The following CSRNP3 variants were observed in gnomAD, a reference collection of about 807,000 sequenced individuals.
The protein encoded by CSRNP3 is cysteine and serine rich nuclear protein 3.
CSRNP3 carries 12 observed loss-of-function variants against 48.0 expected under a neutral mutation model. The observed-to-expected ratio is 0.25, with a 90% CI of 0.16 to 0.41. The LOEUF (loss-of-function observed/expected upper bound fraction) is 0.41, where lower values mean the gene tolerates loss of function less well. CSRNP3 is among the 10% of genes least tolerant of loss of function. The pLI, the probability that CSRNP3 is intolerant of heterozygous loss-of-function variation, is 1.00. For missense variants in CSRNP3, 580 were observed against 724.4 expected (o/e 0.80, Z 2.29); for synonymous variants, 263 against 269.7 (o/e 0.98, Z 0.24).
intron 2 of CSRNP3, among the ~76,000 whole-genome samples, chr2:165,499,568 G>A (rs933093071): frequency 6.6e-6 from 1 of 152,092 alleles, no homozygotes; most frequent in Non-Finnish European, 1.5e-5. Flanking sequence ...TAGGGCCACA[G>A]AATTATTGTA....
chr2:165,613,180 G>A (rs571500212), intron 4 of CSRNP3, among the ~76,000 whole-genome samples: 2 of 152,122 alleles, frequency 1.3e-5, no homozygotes, highest in Middle Eastern at 3.4e-3. Context: ...TAGTGATGCC[G>A]AGCATTTTTT....
chr2:165,507,999 A>G (rs1022346065), intron 2 of CSRNP3, among the ~76,000 whole-genome samples: 7 of 152,042 alleles, frequency 4.6e-5, no homozygotes, highest in African/African-American at 1.7e-4. Flanking sequence ...CATATCCATG[A>G]TAACACTTAA....
At chr2:165,602,983 C>T (rs1164597908) in intron 4 of CSRNP3, among the ~76,000 whole-genome samples, 2 of 151,954 alleles carry the variant, frequency 1.3e-5, no homozygotes, top group Admixed American at 6.6e-5. Flanking sequence ...CAGGCTCTGC[C>T]CCACGGGGTT....
chr2:165,591,802 C>T (rs535878467), intron 3 of CSRNP3, among the ~76,000 whole-genome samples: 3 of 152,314 alleles, frequency 2.0e-5, no homozygotes, highest in South Asian at 4.1e-4. Flanking sequence ...GGAAATGCCT[C>T]TATGTCCAGG....
At chr2:165,657,017 G>C (rs914537537) in intron 4 of CSRNP3, among the ~76,000 whole-genome samples, 1 of 152,170 alleles carries the variant, frequency 6.6e-6, no homozygotes, top group Admixed American at 6.5e-5. Flanking sequence ...AAAATATCCT[G>C]AAATAAACCA....
At chr2:165,602,202 G>A (rs1685927065) in intron 4 of CSRNP3, among the ~76,000 whole-genome samples, 1 of 152,152 alleles carries the variant, frequency 6.6e-6, no homozygotes, top group Admixed American at 6.5e-5. Context: ...AGGACATCAT[G>A]ACGCTCAAAA....
chr2:165,487,704 A>C (rs1684141524), intron 1 of CSRNP3, among the ~76,000 whole-genome samples: 2 of 147,752 alleles, frequency 1.4e-5, no homozygotes, highest in South Asian at 4.3e-4. Context: ...TAAGCTTCAT[A>C]AGTGAAGGAG....
intron 3 of CSRNP3, among the ~76,000 whole-genome samples, chr2:165,566,332 A>C (rs1034838016): frequency 8.6e-5 from 13 of 152,042 alleles, no homozygotes; most frequent in Middle Eastern, 6.8e-3. Flanking sequence ...TCCATAAAAG[A>C]ACTCCTACTC....
intron 4 of CSRNP3, among the ~76,000 whole-genome samples, chr2:165,636,129 G>A (rs1489251830): frequency 6.6e-6 from 1 of 152,150 alleles, no homozygotes; most frequent in African/African-American, 2.4e-5. Context: ...TCCTATTAGT[G>A]TTAAGAGAAA....
At chr2:165,543,672 T>C (rs1274808310) in intron 3 of CSRNP3, among the ~76,000 whole-genome samples, 1 of 152,172 alleles carries the variant, frequency 6.6e-6, no homozygotes, top group Non-Finnish European at 1.5e-5. Context: ...TTAATTTTCA[T>C]GGGCACATAC....
chr2:165,623,459 G>A (rs1297087740), intron 4 of CSRNP3, among the ~76,000 whole-genome samples: 6 of 152,108 alleles, frequency 3.9e-5, no homozygotes, highest in East Asian at 1.9e-4. Flanking sequence ...TCCCCAGTCC[G>A]TGGAAAAATT....
intron 4 of CSRNP3, among the ~76,000 whole-genome samples, chr2:165,599,324 A>AGAAAGAAAGAAAGAAAGAAG (rs753221546): frequency 6.6e-6 from 1 of 151,306 alleles, no homozygotes; most frequent in African/African-American, 2.4e-5. Context: ...AAAGAAAGAA[A>AGAAAGAAAGAAAGAAAGAAG]GAAAGGAAAA....
intron 4 of CSRNP3, among the ~76,000 whole-genome samples, chr2:165,630,668 C>T (rs1404748372): frequency 1.3e-5 from 2 of 152,170 alleles, no homozygotes; most frequent in African/African-American, 4.8e-5. Context: ...ACATTTACTC[C>T]ATACATGGAT....
chr2:165,627,562 G>A (rs974966950), intron 4 of CSRNP3, among the ~76,000 whole-genome samples: 4 of 151,974 alleles, frequency 2.6e-5, no homozygotes, highest in East Asian at 3.9e-4. Flanking sequence ...ATACTCTCTC[G>A]TCATTGCATC....
chr2:165,501,745 G>A (rs1267060263), intron 2 of CSRNP3, among the ~76,000 whole-genome samples: 1 of 152,058 alleles, frequency 6.6e-6, no homozygotes, highest in Non-Finnish European at 1.5e-5. Flanking sequence ...TATAACGTGA[G>A]TCAACTGAAA....
rs1326916057 is a variant in CSRNP3, at chr2:165,574,095, TC to T, written c.-23-20944del. ...ACAGCCCAGTAAAACCCGTGCCCACTCCCCATCCTGTATTCCTGCTCTCCCG... is the reference window on the plus strand; with the variant it reads ...ACAGCCCAGTAAAACCCGTGCCCACTCCCATCCTGTATTCCTGCTCTCCCG... On this transcript the variant is annotated intron_variant, in intron 3 of 6. Transcript: ENST00000651982. 9.0e-6 allele frequency: 4 copies of T among 442,404 alleles called. No individual in the cohort carries two copies. In the South Asian group the frequency reaches 1.3e-4, roughly 14 times the overall value. The allele number at this position is 442,404 out of a possible 1,614,324, so 27.4% of individuals were successfully genotyped here.
At position 165,520,604 on chromosome 2, in the gene CSRNP3, G is replaced by A. The variant is rs151323675; in HGVS notation, c.-24+2643G>A. ...TTCCAAAAGGCAGGTATTTTAAGCA[G>A]TATATCATCTAAAGGACATGTGTCC... On this transcript the variant is annotated intron_variant, in intron 3 of 6. Transcript: ENST00000651982. Among the ~76,000 whole-genome samples, 1,132 of 150,882 alleles carry A rather than the reference G, an allele frequency of 7.5e-3. 9 individuals carry two copies. The highest frequency in any genetic ancestry group is 0.014 in the Non-Finnish European group (935 of 67,602).
intron 1 of CSRNP3, among the ~76,000 whole-genome samples, chr2:165,472,234 A>G (rs1422922787): frequency 6.6e-6 from 1 of 152,052 alleles, no homozygotes; most frequent in Non-Finnish European, 1.5e-5. Context: ...TTTTGACATT[A>G]GAATAAGAAT....
chr2:165,550,146 A>G (rs1263571263), intron 3 of CSRNP3, among the ~76,000 whole-genome samples: 1 of 152,202 alleles, frequency 6.6e-6, no homozygotes, highest in Non-Finnish European at 1.5e-5. Context: ...ATTTGAGGAC[A>G]AAAACAAGGA....
Sources: gnomAD v4.1 joint callset for allele counts (sites outside exome capture counted in the v4.1 genomes callset) on GRCh38, gnomAD v4.1.1 for gene constraint, MANE v1.5 for transcripts, NCBI Gene and HGNC (gene_info 2026-07-23, HGNC 2026-07-21) for gene names.